The following RPS6KA1 variants were observed in gnomAD, a reference collection of about 807,000 sequenced individuals.
RPS6KA1 encodes the protein ribosomal protein S6 kinase alpha-1.
In RPS6KA1, 48 loss-of-function variants were observed where a neutral mutation model predicts 91.3. The observed-to-expected ratio is 0.53, with a 90% CI of 0.42 to 0.67. The LOEUF is 0.67. Among genes scored for constraint, RPS6KA1 ranks in the 30% least tolerant of loss-of-function variants. RPS6KA1 has a pLI of 0.00. For synonymous variants in RPS6KA1, 359 were observed against 384.7 expected (o/e 0.93, Z 0.78); for missense variants, 719 against 960.5 (o/e 0.75, Z 3.32).
At chr1:26,541,463 G>A (rs1354610967) in intron 2 of RPS6KA1, among the ~76,000 whole-genome samples, 1 of 151,638 alleles carries the variant, frequency 6.6e-6, no homozygotes. Flanking sequence ...GCTGAGGTAC[G>A]AGAATCACTT....
At chr1:26,563,804 G>A (rs940439332) in intron 17 of RPS6KA1, among the ~76,000 whole-genome samples, 2 of 152,002 alleles carry the variant, frequency 1.3e-5, no homozygotes, top group Admixed American at 1.3e-4. Context: ...TCAGTTTTTT[G>A]GGGGGGATGG....
intron 2 of RPS6KA1, chr1:26,545,806 C>T (rs2075989310): frequency 4.9e-6 from 7 of 1,422,976 alleles, no homozygotes; most frequent in Non-Finnish European, 6.4e-6. Flanking sequence ...CCAGCCCCCG[C>T]CCTTACCCTG....
chr1:26,549,741 G>A (rs1436411953), intron 4 of RPS6KA1, among the ~76,000 whole-genome samples: 3 of 122,656 alleles, frequency 2.4e-5, no homozygotes, highest in Admixed American at 1.1e-4. Flanking sequence ...TCACTCTATC[G>A]CTCAGACTGG....
rs1042431812 is a variant in RPS6KA1 at position 26,558,030 on chromosome 1, T to G, written c.1085-777T>G. On this transcript the variant is annotated intron_variant, in intron 13 of 21. Coordinates refer to ENST00000374168, the MANE Select transcript of RPS6KA1 (RefSeq NM_002953.4). This position sits in a 1 kb window ranked among gnomAD's most constrained non-coding sequence, Gnocchi z 4.0. ...TTTTAGTAGAGACGGGGTTTCACCA[T>G]GTTGGCCAGGCTGGTCTCGAACTCC... Among the ~76,000 whole-genome samples the G allele has an allele frequency of 1.3e-5, 2 of 151,894 alleles. No individual in the cohort carries two copies. The highest frequency in any genetic ancestry group is 2.9e-5 in the Non-Finnish European group (2 of 67,990).
At chr1:26,542,523 G>A (rs1344462259) in intron 2 of RPS6KA1, among the ~76,000 whole-genome samples, 2 of 152,278 alleles carry the variant, frequency 1.3e-5, no homozygotes, top group Admixed American at 6.5e-5. Context: ...CGTAGAAAGG[G>A]GCTGGGCCTG....
chr1:26,543,285 TG>T, intron 2 of RPS6KA1: 1 of 1,269,910 alleles, frequency 7.9e-7, no homozygotes, highest in Non-Finnish European at 1.1e-6. Context: ...GGAATGGGTT[TG>T]GGGGTGGCTC....
chr1:26,537,744 G>A (rs2075917144), intron 2 of RPS6KA1, among the ~76,000 whole-genome samples: 1 of 152,248 alleles, frequency 6.6e-6, no homozygotes, highest in South Asian at 2.1e-4. Flanking sequence ...AGAGCATGGT[G>A]TTAGAGCAAA....
intron 20 of RPS6KA1, 83 bp from the exon 21 acceptor site, chr1:26,573,141 G>A: frequency 7.0e-7 from 1 of 1,433,460 alleles, no homozygotes; most frequent in Non-Finnish European, 9.6e-7. Flanking sequence ...GGAGCTAGCA[G>A]GAGATGGTTG....
chr1:26,563,928 G>A (rs913556662), intron 17 of RPS6KA1, among the ~76,000 whole-genome samples: 3 of 152,028 alleles, frequency 2.0e-5, no homozygotes, highest in Non-Finnish European at 2.9e-5. Flanking sequence ...TTCAAGACCA[G>A]CTTGGCCAAT....
rs763192034 is a variant in RPS6KA1 at position 26,560,871 on chromosome 1, C to T, written c.1341+20C>T. On this transcript the variant is annotated intron_variant, in intron 15 of 21. Transcript: ENST00000374168. ...GTCAAGGTGGGCCTCCTGACCACGT[C>T]TCGGCCAAGGCTGCTGGGTTGGGGG... 1 of 1,614,090 alleles carries T rather than the reference C, an allele frequency of 6.2e-7. No homozygotes were observed. Among genetic ancestry groups the T allele is most frequent in the Non-Finnish European group, 8.5e-7 (1 of 1,179,992 alleles).
chr1:26,547,156 T>C lies in RPS6KA1; in HGVS notation c.226-33T>C. 2 of 1,611,374 alleles carry C rather than the reference T, an allele frequency of 1.2e-6. No homozygotes were observed. Among genetic ancestry groups the C allele is most frequent in the Non-Finnish European group, 1.7e-6 (2 of 1,177,754 alleles). On this transcript the variant is annotated intron_variant, in intron 3 of 21. Transcript: ENST00000374168. The surrounding 1 kb of genome is among the most constrained non-coding windows in gnomAD (Gnocchi z 4.1). ...TCAGCCTGGACTCAGACCTCTCCCA[T>C]CTTCTGCCCTGCTTCCTGCTCTGCC...
chr1:26,566,688 C>G (rs929897568), intron 17 of RPS6KA1, among the ~76,000 whole-genome samples: 10 of 152,196 alleles, frequency 6.6e-5, no homozygotes, highest in African/African-American at 2.4e-4. Context: ...AATGCCTCTT[C>G]AAGTCTTTTG....
At chr1:26,560,399 G>A (rs563853090) in intron 14 of RPS6KA1, among the ~76,000 whole-genome samples, 6 of 152,206 alleles carry the variant, frequency 3.9e-5, no homozygotes, top group Non-Finnish European at 5.9e-5. Flanking sequence ...GGGCTCCTGC[G>A]TCCCTCCCAG....
intron 17 of RPS6KA1, among the ~76,000 whole-genome samples, chr1:26,569,095 A>T (rs2076228207): frequency 6.6e-6 from 1 of 151,698 alleles, no homozygotes; most frequent in Non-Finnish European, 1.5e-5. Flanking sequence ...GGAAGCTGAG[A>T]TATGAGAATT....
chr1:26,553,365 C>A, intron 6 of RPS6KA1, 26 bp from the exon 7 acceptor site: 1 of 1,528,454 alleles, frequency 6.5e-7, no homozygotes, highest in Non-Finnish European at 9.1e-7. Context: ...GAGGTCCCTG[C>A]TGAAGGCCCC....
rs771012101 is a variant in RPS6KA1, at chr1:26,574,458, A to C, written c.*257A>C. On this transcript the variant is annotated 3_prime_UTR_variant, in exon 22 of 22. Transcript: ENST00000374168. This position sits in a 1 kb window ranked among gnomAD's most constrained non-coding sequence, Gnocchi z 4.3. ...TTTTTTTATGAAAAAAATGGCATCAACCACCATGGATTTTTACAAGATCCA... is the reference window on the plus strand; with the variant it reads ...TTTTTTTATGAAAAAAATGGCATCACCCACCATGGATTTTTACAAGATCCA... 3 of 665,102 alleles carry C rather than the reference A, an allele frequency of 4.5e-6. No individual in the cohort carries two copies. The highest frequency in any genetic ancestry group is 4.3e-5 in the South Asian group (3 of 70,204). The allele number at this position is 665,102 out of a possible 1,614,324, so 41.2% of individuals were successfully genotyped here. A position where few individuals can be genotyped will look rare whatever the true frequency, so the allele number is the denominator to read the frequency against.
At chr1:26,536,848 G>A (rs2075910474) in intron 1 of RPS6KA1, 77 bp from the exon 2 acceptor site, 1 of 1,540,432 alleles carries the variant, frequency 6.5e-7, no homozygotes, top group Middle Eastern at 1.7e-4. Flanking sequence ...ACCTAAGGGT[G>A]GGGGTGCCCC....
Position 26,561,063 on chromosome 1 carries a change from C to T in RPS6KA1, c.1360C>T (p.Arg454Trp), listed in dbSNP as rs753994848. 6 of 1,613,852 alleles carry T rather than the reference C, an allele frequency of 3.7e-6. 1 individual carries two copies. The highest frequency in any genetic ancestry group is 1.7e-5 in the Admixed American group (1 of 60,000). The part of the protein sequence containing the change: ...YAVKVIDKSK[R>W]DPSEEIEILL... The stretch of plus-strand genomic sequence containing the variant: ...TCTTCAGGTCATTGATAAGAGCAAG[C>T]GGGATCCTTCAGAAGAGATTGAGAT... Residue 454 changes from arginine (R) to tryptophan (W), a missense_variant, in exon 16 of 22, where the codon CGG becomes TGG. By Grantham distance (101) the Arg-to-Trp change is moderately radical. Transcript: ENST00000374168. The surrounding 1 kb of genome is among the most constrained non-coding windows in gnomAD (Gnocchi z 5.7).
At chr1:26,572,707 G>A (rs2076260302) in intron 20 of RPS6KA1, among the ~76,000 whole-genome samples, 1 of 152,200 alleles carries the variant, frequency 6.6e-6, no homozygotes, top group African/African-American at 2.4e-5. Context: ...AGCCTCCTCG[G>A]AGGAAGTAGC....
Sources: gnomAD v4.1 joint callset for allele counts (sites outside exome capture counted in the v4.1 genomes callset) on GRCh38, gnomAD v4.1.1 for gene constraint, Gnocchi (gnomAD v3.1) non-coding constraint, MANE v1.5 for transcripts, NCBI Gene and HGNC (gene_info 2026-07-23, HGNC 2026-07-21) for gene names.